The following KCNQ3 variants were observed in gnomAD, a reference collection of about 807,000 sequenced individuals.
KCNQ3 encodes the protein potassium voltage-gated channel subfamily KQT member 3.
In KCNQ3, 30 loss-of-function variants were observed where a neutral mutation model predicts 92.5. That is an observed-to-expected ratio of 0.32 (90% CI 0.24 to 0.44). The LOEUF (loss-of-function observed/expected upper bound fraction) is 0.44. KCNQ3 is among the 20% of genes least tolerant of loss of function. The probability of loss-of-function intolerance (pLI) is 1.00; values close to 1 mark genes in which losing one functional copy is unlikely to be tolerated. For missense variants in KCNQ3, 913 were observed against 1,140.3 expected (o/e 0.80, Z 2.87); for synonymous variants, 450 against 468.8 (o/e 0.96, Z 0.52).
chr8:132,338,910 C>A (rs1818441935), intron 1 of KCNQ3, among the ~76,000 whole-genome samples: 1 of 152,160 alleles, frequency 6.6e-6, no homozygotes, highest in Admixed American at 6.5e-5. Flanking sequence ...CAACGTGGGT[C>A]AGGGGGAGAG....
At chr8:132,152,108 A>T (rs1042842845) in intron 9 of KCNQ3, among the ~76,000 whole-genome samples, 1 of 152,326 alleles carries the variant, frequency 6.6e-6, no homozygotes, top group South Asian at 2.1e-4. Context: ...GACGGTTTAT[A>T]ATAAGCTACA....
chr8:132,372,481 C>A (rs1173158837), intron 1 of KCNQ3, among the ~76,000 whole-genome samples: 1 of 152,070 alleles, frequency 6.6e-6, no homozygotes, highest in East Asian at 1.9e-4. Flanking sequence ...AGAGGCCGGG[C>A]GCAGTGGCTC....
At position 132,186,192 on chromosome 8, in the gene KCNQ3, A is replaced by T. The variant is rs1011144247; in HGVS notation, c.387-11T>A. The stretch of plus-strand genomic sequence containing the variant: ...AGGACAATCAGGAACCTAGAGGGGA[A>T]GAAAGAAATGGACTAAGGAACCTTT... On this transcript the variant is annotated splice_polypyrimidine_tract_variant and intron_variant, in intron 1 of 14. Transcript: ENST00000388996. 1 of 1,599,694 alleles carries T rather than the reference A, an allele frequency of 6.3e-7. No homozygotes were observed. The highest frequency in any genetic ancestry group is 8.6e-7 in the Non-Finnish European group (1 of 1,166,988).
At chr8:132,196,726 C>A (rs1278554872) in intron 1 of KCNQ3, among the ~76,000 whole-genome samples, 1 of 152,220 alleles carries the variant, frequency 6.6e-6, no homozygotes, top group African/African-American at 2.4e-5. Flanking sequence ...CAAGGCCTGT[C>A]AGGGCTATTA....
chr8:132,198,412 ATAAC>A (rs1827367267), intron 1 of KCNQ3, among the ~76,000 whole-genome samples: 1 of 152,242 alleles, frequency 6.6e-6, no homozygotes, highest in South Asian at 2.1e-4. Context: ...GCAGGAATAG[ATAAC>A]TAATACTAGT....
chr8:132,326,006 G>A (rs527558633), intron 1 of KCNQ3, among the ~76,000 whole-genome samples: 1 of 152,196 alleles, frequency 6.6e-6, no homozygotes, highest in Admixed American at 6.5e-5. Flanking sequence ...GGCTTTGTGG[G>A]AGGCAAGTGG....
intron 1 of KCNQ3, among the ~76,000 whole-genome samples, chr8:132,467,752 A>C (rs907928463): frequency 1.3e-5 from 2 of 152,216 alleles, no homozygotes; most frequent in Non-Finnish European, 2.9e-5. Context: ...AGCTTTTCTG[A>C]GATAAAGTGA....
chr8:132,303,409 T>C (rs1171164010), intron 1 of KCNQ3, among the ~76,000 whole-genome samples: 1 of 150,812 alleles, frequency 6.6e-6, no homozygotes, highest in East Asian at 2.0e-4. Context: ...TTACCAAATG[T>C]TACGACATTC....
intron 1 of KCNQ3, among the ~76,000 whole-genome samples, chr8:132,193,932 A>T (rs1398270179): frequency 6.6e-6 from 1 of 152,178 alleles, no homozygotes; most frequent in Non-Finnish European, 1.5e-5. Context: ...CTCTCAGTTC[A>T]GCTGGGAGAA....
intron 1 of KCNQ3, among the ~76,000 whole-genome samples, chr8:132,207,541 G>T (rs1430526553): frequency 6.6e-6 from 1 of 152,116 alleles, no homozygotes; most frequent in Non-Finnish European, 1.5e-5. Flanking sequence ...AGCCAAATCA[G>T]ACTCCAGCCT....
At chr8:132,300,545 G>T (rs150636604) in intron 1 of KCNQ3, among the ~76,000 whole-genome samples, 1,728 of 152,280 alleles carry the variant, frequency 0.011, 12 homozygotes, top group Non-Finnish European at 0.016. Context: ...GCAGCGGGAA[G>T]TCCAGAACTG....
intron 9 of KCNQ3, among the ~76,000 whole-genome samples, chr8:132,160,095 GA>G (rs1303887064): frequency 2.0e-5 from 3 of 152,192 alleles, no homozygotes; most frequent in Non-Finnish European, 4.4e-5. Flanking sequence ...AGAGGGTCAG[GA>G]AAAATCTCTC....
chr8:132,241,454 A>G (rs1294776113), intron 1 of KCNQ3, among the ~76,000 whole-genome samples: 2 of 151,698 alleles, frequency 1.3e-5, no homozygotes, highest in African/African-American at 4.8e-5. Context: ...CTGGAGTGCA[A>G]TGGTGCGGTA....
intron 1 of KCNQ3, among the ~76,000 whole-genome samples, chr8:132,353,173 C>A (rs1188207761): frequency 6.6e-6 from 1 of 151,994 alleles, no homozygotes; most frequent in Non-Finnish European, 1.5e-5. Context: ...TTGCAGTGAG[C>A]CGAGATCGCG....
chr8:132,172,437 G>C lies in KCNQ3; in HGVS notation c.1140+161C>G, dbSNP rs57588241. 4.0e-3 allele frequency among the ~76,000 whole-genome samples: 458 copies of C among 113,122 alleles called. 3 individuals are homozygous for C. Among genetic ancestry groups the C allele is most frequent in the African/African-American group, 0.015 (410 of 28,188 alleles). 74.2% of individuals were successfully genotyped at this position (113,122 alleles called of 152,430 possible). ...ACACACACACACACACACACACACA[G>C]ACACACAAGACACACAGACACACAT... On this transcript the variant is annotated intron_variant, in intron 7 of 14. Coordinates refer to ENST00000388996, the MANE Select transcript of KCNQ3 (RefSeq NM_004519.4).
At chr8:132,311,860 G>A (rs1817603795) in intron 1 of KCNQ3, among the ~76,000 whole-genome samples, 1 of 152,174 alleles carries the variant, frequency 6.6e-6, no homozygotes, top group Admixed American at 6.5e-5. Flanking sequence ...CTCAGAATGT[G>A]ACCTTATTTG....
intron 5 of KCNQ3, among the ~76,000 whole-genome samples, chr8:132,174,581 T>C (rs1826485598): frequency 6.6e-6 from 1 of 152,236 alleles, no homozygotes; most frequent in African/African-American, 2.4e-5. Context: ...ATTTCAGCAA[T>C]TGCAAATGTG....
chr8:132,360,321 A>G (rs750929176), intron 1 of KCNQ3, among the ~76,000 whole-genome samples: 2 of 151,936 alleles, frequency 1.3e-5, no homozygotes, highest in Admixed American at 1.3e-4. Context: ...CCTTCACCCT[A>G]TCTCTCATCC....
intron 1 of KCNQ3, among the ~76,000 whole-genome samples, chr8:132,195,547 C>T (rs1012852228): frequency 6.6e-6 from 1 of 152,066 alleles, no homozygotes; most frequent in Admixed American, 6.5e-5. Flanking sequence ...AGAGTGTGCC[C>T]TTCACCATGT....
Sources: gnomAD v4.1 joint callset for allele counts (sites outside exome capture counted in the v4.1 genomes callset) on GRCh38, gnomAD v4.1.1 for gene constraint, MANE v1.5 for transcripts, NCBI Gene and HGNC (gene_info 2026-07-23, HGNC 2026-07-21) for gene names.